KAT6B: variants seen among roughly 807,000 people sequenced by gnomAD.
KAT6B encodes lysine acetyltransferase 6B.
KAT6B carries 10 observed loss-of-function variants against 187.5 expected under a neutral mutation model. That is an observed-to-expected ratio of 0.05 (90% CI 0.03 to 0.09). The LOEUF is 0.09. KAT6B is among the 10% of genes least tolerant of loss of function. The pLI, the probability that KAT6B is intolerant of heterozygous loss-of-function variation, is 1.00. For synonymous variants in KAT6B, 861 were observed against 926.8 expected, an observed-to-expected ratio of 0.93 and a Z score of 1.29; for missense variants, 1,952 against 2,558.9, an observed-to-expected ratio of 0.76 and a Z score of 5.12.
In KAT6B at chr10:75,020,840, C is replaced by T. The variant is rs118021194; in HGVS notation, c.2861+27C>T. 16,179 of 1,591,040 alleles carry T rather than the reference C, an allele frequency of 0.01. 105 individuals are homozygous for T. The highest frequency in any genetic ancestry group is 0.013 in the Non-Finnish European group (14,527 of 1,161,616). ...TGAGTCCTGGGACCCTGGGCAGCTCCGTGGCTCAGGCATCCCACACCAGAA... is the reference window on the plus strand; with the variant it reads ...TGAGTCCTGGGACCCTGGGCAGCTCTGTGGCTCAGGCATCCCACACCAGAA... On this transcript the variant is annotated intron_variant, in intron 14 of 17. Transcript: ENST00000287239.
intron 3 of KAT6B, among the ~76,000 whole-genome samples, chr10:74,918,156 G>A (rs1407434879): frequency 6.6e-6 from 1 of 152,142 alleles, no homozygotes; most frequent in Non-Finnish European, 1.5e-5. Context: ...TGTTGCAATA[G>A]CATCTAATAG....
chr10:74,989,716 G>A (rs1466811546), intron 13 of KAT6B, among the ~76,000 whole-genome samples: 1 of 151,796 alleles, frequency 6.6e-6, no homozygotes, highest in Non-Finnish European at 1.5e-5. Flanking sequence ...GTTAAAACCG[G>A]CATAATATAT....
chr10:75,007,752 A>G (rs554198353), intron 13 of KAT6B, among the ~76,000 whole-genome samples: 71 of 152,266 alleles, frequency 4.7e-4, no homozygotes, highest in African/African-American at 1.5e-3. Context: ...TTAGAAAGCA[A>G]TCATCTTAAA....
chr10:74,903,553 C>T (rs568885099), intron 3 of KAT6B, among the ~76,000 whole-genome samples: 113 of 152,328 alleles, frequency 7.4e-4, no homozygotes, highest in Non-Finnish European at 1.4e-3. Context: ...AGTCCTACAA[C>T]CGCTAGGAAC....
intron 3 of KAT6B, among the ~76,000 whole-genome samples, chr10:74,954,800 C>T (rs1840561070): frequency 6.6e-6 from 1 of 152,092 alleles, no homozygotes; most frequent in Non-Finnish European, 1.5e-5. Context: ...ATTTTTTGCT[C>T]GCCTATTCAC....
chr10:74,965,901 ATTT>A (rs559294300), intron 4 of KAT6B, among the ~76,000 whole-genome samples: 2 of 137,230 alleles, frequency 1.5e-5, no homozygotes, highest in African/African-American at 2.6e-5. Context: ...AATTTTCTGT[ATTT>A]TTTTTTTTTT....
At chr10:74,924,413 A>C (rs1238190076) in intron 3 of KAT6B, among the ~76,000 whole-genome samples, 2 of 152,216 alleles carry the variant, frequency 1.3e-5, no homozygotes, top group African/African-American at 4.8e-5. Context: ...TTGGTGACTA[A>C]TTGGGTTAGA....
At chr10:75,012,957 A>G (rs1431144413) in intron 13 of KAT6B, among the ~76,000 whole-genome samples, 2 of 152,138 alleles carry the variant, frequency 1.3e-5, no homozygotes, top group African/African-American at 4.8e-5. Context: ...CCTTTGGGGA[A>G]GAGCTCAGCA....
chr10:75,024,885 T>G, intron 16 of KAT6B, 73 bp from the exon 17 acceptor site: 1 of 1,378,186 alleles, frequency 7.3e-7, no homozygotes, highest in Admixed American at 1.7e-5. Flanking sequence ...GTTCAGTACA[T>G]GTCTACTGCA....
chr10:74,920,618 A>C (rs1300393823), intron 3 of KAT6B, among the ~76,000 whole-genome samples: 1 of 152,042 alleles, frequency 6.6e-6, no homozygotes, highest in Admixed American at 6.6e-5. Flanking sequence ...CAGATCATAA[A>C]CTTTGTGGAT....
intron 3 of KAT6B, among the ~76,000 whole-genome samples, chr10:74,943,709 T>TA (rs760745735): frequency 1.3e-5 from 2 of 152,110 alleles, no homozygotes; most frequent in African/African-American, 2.4e-5. Context: ...AAATGTAGGA[T>TA]AAAACCATTG....
At chr10:74,955,993 G>A (rs553988609) in intron 3 of KAT6B, among the ~76,000 whole-genome samples, 95 of 152,104 alleles carry the variant, frequency 6.2e-4, no homozygotes, top group African/African-American at 2.0e-3. Flanking sequence ...GTGCAATCAC[G>A]ACTCATTGCA....
At chr10:74,889,277 T>C (rs1564544636) in intron 3 of KAT6B, among the ~76,000 whole-genome samples, 1 of 152,216 alleles carries the variant, frequency 6.6e-6, no homozygotes, top group South Asian at 2.1e-4. Context: ...AGACAAGATA[T>C]AATTTTAGAC....
chr10:74,935,862 T>C (rs890209737), intron 3 of KAT6B, among the ~76,000 whole-genome samples: 2 of 152,358 alleles, frequency 1.3e-5, no homozygotes, highest in East Asian at 1.9e-4. Context: ...TAGTCACTTA[T>C]CTACTCAGTT....
intron 3 of KAT6B, among the ~76,000 whole-genome samples, chr10:74,858,401 C>T (rs1842953594): frequency 6.6e-6 from 1 of 151,784 alleles, no homozygotes; most frequent in African/African-American, 2.4e-5. Context: ...CCTCCCACCT[C>T]AGGGTCCTGG....
At chr10:74,880,540 A>G (rs1481095824) in intron 3 of KAT6B, among the ~76,000 whole-genome samples, 2 of 152,270 alleles carry the variant, frequency 1.3e-5, no homozygotes, top group East Asian at 3.9e-4. Context: ...ATTTGTGTAC[A>G]TATTTTTGTG....
chr10:75,006,054 T>C (rs968205686), intron 13 of KAT6B, among the ~76,000 whole-genome samples: 7 of 152,194 alleles, frequency 4.6e-5, no homozygotes, highest in African/African-American at 1.4e-4. Flanking sequence ...ATATGTCCTT[T>C]TTTGGGGGCA....
intron 13 of KAT6B, among the ~76,000 whole-genome samples, chr10:74,996,644 C>G (rs894346596): frequency 1.3e-5 from 2 of 152,020 alleles, no homozygotes; most frequent in Non-Finnish European, 2.9e-5. Flanking sequence ...TGGCACACAC[C>G]TGTAGTCCCA....
At chr10:74,982,162 A>G (rs1671089144) in intron 11 of KAT6B, 8 of 487,898 alleles carry the variant, frequency 1.6e-5, no homozygotes, top group Middle Eastern at 1.1e-3. Flanking sequence ...GTCTTCCCCA[A>G]AATCCCTGTC....
Sources: allele counts gnomAD v4.1 joint callset (sites outside exome capture counted in the v4.1 genomes callset), GRCh38; gene constraint gnomAD v4.1.1; transcripts MANE v1.5; gene names NCBI Gene and HGNC (gene_info 2026-07-23, HGNC 2026-07-21).